SUCLA2: variants seen among roughly 807,000 people sequenced by gnomAD.
The protein encoded by SUCLA2 is succinate--CoA ligase [ADP-forming] subunit beta, mitochondrial.
SUCLA2 carries 30 observed loss-of-function variants against 54.8 expected under a neutral mutation model. That is an observed-to-expected ratio of 0.55 (90% confidence interval 0.41 to 0.74). The LOEUF (loss-of-function observed/expected upper bound fraction) is 0.74, where lower values mean the gene tolerates loss of function less well. Ranked by LOEUF, SUCLA2 falls within the 30% of genes least tolerant of loss-of-function variation. The probability of loss-of-function intolerance (pLI) is 0.00; values close to 1 mark genes in which losing one functional copy is unlikely to be tolerated. For synonymous variants in SUCLA2, 172 were observed against 188.9 expected, an observed-to-expected ratio of 0.91 and a Z score of 0.74; for missense variants, 476 against 562.9, an observed-to-expected ratio of 0.85 and a Z score of 1.56.
chr13:47,951,434 T>C (rs191566755), intron 8 of SUCLA2, among the ~76,000 whole-genome samples: 1 of 150,624 alleles, frequency 6.6e-6, no homozygotes, highest in East Asian at 2.0e-4. Context: ...GGCTAAGCAA[T>C]TCAGTGTCAC....
intron 6 of SUCLA2, among the ~76,000 whole-genome samples, chr13:47,966,602 A>G (rs775710321): frequency 1.1e-4 from 17 of 151,824 alleles, no homozygotes; most frequent in Non-Finnish European, 2.1e-4. Flanking sequence ...CCCTTTGATA[A>G]TGAGTATTCC....
intron 4 of SUCLA2, among the ~76,000 whole-genome samples, chr13:47,982,289 A>G (rs992192496): frequency 6.6e-6 from 1 of 152,224 alleles, no homozygotes; most frequent in African/African-American, 2.4e-5. Flanking sequence ...ACTTTGTCAT[A>G]TGCTACATCA....
intron 4 of SUCLA2, among the ~76,000 whole-genome samples, chr13:47,986,838 ATTAG>A (rs1249898960): frequency 2.6e-5 from 4 of 152,342 alleles, no homozygotes; most frequent in Admixed American, 2.0e-4. Flanking sequence ...ATTTCTAATG[ATTAG>A]TTAATTCCCA....
rs568939042 is a variant in SUCLA2, at chr13:47,964,684, C to T, written c.802+3911G>A. Among the ~76,000 whole-genome samples the T allele has an allele frequency of 3.2e-4, 48 of 152,066 alleles. No individual in the cohort carries two copies. The South Asian group carries it at 8.5e-3, about 27-fold the overall frequency. On this transcript the variant is annotated intron_variant, in intron 6 of 10. Coordinates refer to ENST00000646932, the MANE Select transcript of SUCLA2 (RefSeq NM_003850.3). ...CATCCTGGCTAACACGGTGAAACCC[C>T]GTCTCTACTAAAAATACAAAAAATT... is the stretch of plus-strand genomic sequence containing the variant.
chr13:47,970,992 C>T (rs1949958167), intron 5 of SUCLA2, among the ~76,000 whole-genome samples: 1 of 151,406 alleles, frequency 6.6e-6, no homozygotes, highest in South Asian at 2.1e-4. Flanking sequence ...GTCAGGATCG[C>T]GCCACTGCAC....
intron 4 of SUCLA2, among the ~76,000 whole-genome samples, chr13:47,975,098 A>G (rs1474459174): frequency 6.6e-6 from 1 of 152,112 alleles, no homozygotes; most frequent in African/African-American, 2.4e-5. Context: ...ACATCCAGAA[A>G]AAAAAACAGG....
At chr13:47,964,032 T>C (rs1005172703) in intron 6 of SUCLA2, among the ~76,000 whole-genome samples, 10 of 152,180 alleles carry the variant, frequency 6.6e-5, no homozygotes, top group African/African-American at 1.4e-4. Flanking sequence ...TTGTAGCAGC[T>C]TGTTGGTAAT....
intron 6 of SUCLA2, among the ~76,000 whole-genome samples, chr13:47,966,250 T>C (rs1432107918): frequency 6.6e-6 from 1 of 152,098 alleles, no homozygotes; most frequent in African/African-American, 2.4e-5. Context: ...GAGTTCCTTA[T>C]AGTATTTATT....
chr13:47,993,353 G>T (rs1196014187), intron 2 of SUCLA2, among the ~76,000 whole-genome samples: 1 of 152,160 alleles, frequency 6.6e-6, no homozygotes, highest in Admixed American at 6.5e-5. Flanking sequence ...ACATTTATCT[G>T]TGCTAATAAC....
chr13:47,965,491 C>CTT, intron 6 of SUCLA2: 1 of 258,258 alleles, frequency 3.9e-6, no homozygotes, highest in Non-Finnish European at 6.5e-6. Context: ...ATGACCCCTT[C>CTT]TTTAAAAAAA....
intron 5 of SUCLA2, chr13:47,971,742 CCCAT>C (rs1182059558): frequency 2.5e-6 from 1 of 394,698 alleles, no homozygotes; most frequent in African/African-American, 2.1e-5. Context: ...AAGACAGTGT[CCCAT>C]CCATTCTACA....
intron 1 of SUCLA2, among the ~76,000 whole-genome samples, chr13:47,997,475 C>T (rs377745400): frequency 1.3e-5 from 2 of 152,192 alleles, no homozygotes; most frequent in East Asian, 3.9e-4. Flanking sequence ...ATATTCAAAA[C>T]CATGGCTTCA....
chr13:47,956,206 A>G (rs116527999), intron 6 of SUCLA2, among the ~76,000 whole-genome samples: 4,304 of 152,290 alleles, frequency 0.028, 95 homozygotes, highest in South Asian at 0.082. Flanking sequence ...ATGAACACAC[A>G]GGTAATCTAA....
At chr13:47,969,460 G>A (rs186154946) in intron 5 of SUCLA2, among the ~76,000 whole-genome samples, 33 of 152,282 alleles carry the variant, frequency 2.2e-4, no homozygotes, top group African/African-American at 7.7e-4. Flanking sequence ...ACAGTCTTGA[G>A]GGATTCCCAA....
At chr13:47,965,305 C>A (rs1949908127) in intron 6 of SUCLA2, among the ~76,000 whole-genome samples, 1 of 151,610 alleles carries the variant, frequency 6.6e-6, no homozygotes, top group African/African-American at 2.4e-5. Flanking sequence ...ACTAATGACT[C>A]TATAATGAAA....
At chr13:47,945,734 C>T (rs542714054) in intron 10 of SUCLA2, 1 of 151,974 alleles carries the variant, frequency 6.6e-6, no homozygotes, top group African/African-American at 2.4e-5. Flanking sequence ...CAGTTACCTG[C>T]AGTCAACTGT....
rs892392191 is a variant in SUCLA2 at position 47,988,762 on chromosome 13, A to G, written c.372-59T>C. 11 of 1,605,774 alleles carry G rather than the reference A, an allele frequency of 6.9e-6. No individual in the cohort carries two copies. The African/African-American group carries it at 1.5e-4, about 22-fold the overall frequency. On this transcript the variant is annotated intron_variant, in intron 3 of 10. Transcript: ENST00000646932. ...CCTCCAGTTGAGAAAAAGCAAATCCACATAATAGCCAAAATTTTATCTCAT... is the reference window on the plus strand; with the variant it reads ...CCTCCAGTTGAGAAAAAGCAAATCCGCATAATAGCCAAAATTTTATCTCAT...
At chr13:47,964,879 G>C (rs1949905425) in intron 6 of SUCLA2, among the ~76,000 whole-genome samples, 1 of 151,806 alleles carries the variant, frequency 6.6e-6, no homozygotes. Context: ...TCATCACTGG[G>C]TGAAGGGCAT....
At chr13:47,993,892 G>A (rs1483041873) in intron 2 of SUCLA2, among the ~76,000 whole-genome samples, 7 of 151,814 alleles carry the variant, frequency 4.6e-5, no homozygotes, top group South Asian at 4.2e-4. Flanking sequence ...AAAATTAGCC[G>A]GGGTGGTGGC....
Sources: gnomAD v4.1 joint callset for allele counts (sites outside exome capture counted in the v4.1 genomes callset) on GRCh38, gnomAD v4.1.1 for gene constraint, MANE v1.5 for transcripts, NCBI Gene and HGNC (gene_info 2026-07-23, HGNC 2026-07-21) for gene names.